The following UACA variants were observed in gnomAD, a reference collection of about 807,000 sequenced individuals.
UACA encodes the protein nuclear membrane binding protein.
A neutral mutation model predicts 160.5 loss-of-function variants in UACA; 112 were observed. That is an observed-to-expected ratio of 0.70 (90% confidence interval 0.60 to 0.82). The LOEUF (loss-of-function observed/expected upper bound fraction) is 0.82. Ranked by LOEUF, UACA falls within the 40% of genes least tolerant of loss-of-function variation. UACA has a pLI of 0.00. For synonymous variants in UACA, 557 were observed against 568.4 expected (o/e 0.98, Z 0.29); for missense variants, 1,574 against 1,614.6 (o/e 0.97, Z 0.43).
chr15:70,688,582 T>C (rs1897813844), intron 5 of UACA, among the ~76,000 whole-genome samples: 1 of 152,140 alleles, frequency 6.6e-6, no homozygotes, highest in African/African-American at 2.4e-5. Flanking sequence ...TTATATAAAA[T>C]GTATCATCAG....
chr15:70,703,954 C>T (rs1199672196), intron 1 of UACA, among the ~76,000 whole-genome samples: 1 of 152,122 alleles, frequency 6.6e-6, no homozygotes, highest in African/African-American at 2.4e-5. Context: ...TAAACGGCCC[C>T]GTGTCCCACT....
Position 70,691,300 on chromosome 15 carries a change from T to C in UACA, c.365A>G (p.Gln122Arg), listed in dbSNP as rs1170715310. The change falls in exon 4 of 19, where the codon CAG becomes CGG. Residue 122 changes from glutamine to arginine, a missense_variant and splice_region_variant. Transcript: ENST00000322954. ...GHALCLQKLLQYNCPTEHADL... is the reference protein window; with the variant it reads ...GHALCLQKLLRYNCPTEHADL... ...TAAAGTATTAACCACTTCCACTACC[T>C]GTAGAAGTTTTTGTAGGCACAATGC... 2.5e-6 allele frequency: 4 copies of C among 1,596,082 alleles called. No individual in the cohort carries two copies. Among genetic ancestry groups the C allele is most frequent in the Non-Finnish European group, 3.4e-6 (4 of 1,167,748 alleles).
the UACA span, among the ~76,000 whole-genome samples, chr15:70,777,783 CT>C: frequency 1.3e-5 from 2 of 152,232 alleles, no homozygotes; most frequent in African/African-American, 2.4e-5. Context: ...GAACTGGAGA[CT>C]ACATTAATAA....
At chr15:70,759,522 G>C (rs149764150) in intron 1 of UACA, among the ~76,000 whole-genome samples, 7,299 of 152,272 alleles carry the variant, frequency 0.048, 619 homozygotes, top group African/African-American at 0.17. Flanking sequence ...GGGCATGGTG[G>C]CAAATGCCTG....
chr15:70,754,030 T>A lies in UACA; in HGVS notation c.78+9300A>T, dbSNP rs1387269332. 18 of 438,964 alleles carry A rather than the reference T, an allele frequency of 4.1e-5. No homozygotes were observed. In the Admixed American group the frequency reaches 4.5e-4, roughly 11 times the overall value. The allele number at this position is 438,964 out of a possible 1,614,324, so 27.2% of individuals were successfully genotyped here. ...CATGTTGCCCAGGCTGGTTTCGAAC[T>A]CCTGACCTCAAGTGATCCGCCCACC... On this transcript the variant is annotated intron_variant, in intron 1 of 18. Transcript: ENST00000322954.
chr15:70,685,371 T>C lies in UACA; in HGVS notation c.603-925A>G, dbSNP rs576499732. ...ATGACATATCCTATATCTAACTCTG[T>C]CTTCAATTGTGAATATTGGATCTCT... On this transcript the variant is annotated intron_variant, in intron 7 of 18. Coordinates refer to ENST00000322954, the MANE Select transcript of UACA (RefSeq NM_018003.4). Among the ~76,000 whole-genome samples, 7 of 152,322 alleles carry C rather than the reference T, an allele frequency of 4.6e-5. No homozygotes were observed. The South Asian group carries it at 1.2e-3, about 27-fold the overall frequency.
At chr15:70,771,478 A>C in the UACA span, among the ~76,000 whole-genome samples, 3 of 152,216 alleles carry the variant, frequency 2.0e-5, no homozygotes, top group Non-Finnish European at 4.4e-5. Context: ...TAATCCCCTC[A>C]ACTATTAGAA....
Position 70,667,810 on chromosome 15 carries a change from T to C in UACA, c.2874A>G (p.Glu958=), listed in dbSNP as rs762259073. 6.2e-7 allele frequency: 1 copy of C among 1,614,034 alleles called. No individual in the cohort carries two copies. The highest frequency in any genetic ancestry group is 2.2e-5 in the East Asian group (1 of 44,876). The change falls in exon 16 of 19, where the codon GAA becomes GAG. Residue 958 remains glutamate (E), a synonymous_variant. Transcript: ENST00000322954. ...TTTCGGCATGCAGTGTCACAATCTC[T>C]TCTTGGCCTTTTCTGTAGTTGGCCA... The part of the protein sequence containing the change: ...EILANYRKGQ[E]EIVTLHAEIK...
rs1896851797 is a variant in UACA, at chr15:70,664,925, A to G, written c.3961-111T>C. 5.0e-5 allele frequency: 48 copies of G among 957,400 alleles called. No individual in the cohort carries two copies. The South Asian group carries it at 9.4e-4, about 19-fold the overall frequency. The allele number at this position is 957,400 out of a possible 1,614,324, so 59.3% of individuals were successfully genotyped here. ...GACAGAAGCTTTATCTTTATACACC[A>G]GAAAATTGAGGTATGAATATTGCCA... On this transcript the variant is annotated intron_variant, in intron 16 of 18. Coordinates refer to ENST00000322954, the MANE Select transcript of UACA (RefSeq NM_018003.4).
At chr15:70,660,334 T>TCAA in intron 17 of UACA, 118 bp from the exon 18 acceptor site, 1 of 799,524 alleles carries the variant, frequency 1.3e-6, no homozygotes, top group South Asian at 1.7e-5. Context: ...TCCTGCTACT[T>TCAA]CTAACAACAA....
rs550058162 is a variant in UACA at position 70,718,505 on chromosome 15, G to A, written c.79-18845C>T. Among the ~76,000 whole-genome samples, 78 of 152,190 alleles carry A rather than the reference G, an allele frequency of 5.1e-4. 1 individual carries two copies. The South Asian group carries it at 0.016, about 31-fold the overall frequency. ...TAAGCAGCAATCTGAGTTACAGCCA[G>A]CCTTCTTGCTGTAGTACTTTGTGAA... On this transcript the variant is annotated intron_variant, in intron 1 of 18. Coordinates refer to ENST00000322954, the MANE Select transcript of UACA (RefSeq NM_018003.4).
At chr15:70,693,189 A>T (rs572549064) in intron 3 of UACA, among the ~76,000 whole-genome samples, 3 of 152,242 alleles carry the variant, frequency 2.0e-5, no homozygotes, top group Non-Finnish European at 4.4e-5. Flanking sequence ...GGTGTTCAAC[A>T]AAATGCTACA....
intron 1 of UACA, among the ~76,000 whole-genome samples, chr15:70,742,169 T>C (rs1366378587): frequency 6.6e-6 from 1 of 152,258 alleles, no homozygotes; most frequent in Non-Finnish European, 1.5e-5. Flanking sequence ...GGTTCTTTCA[T>C]TAAGGCTAAA....
At chr15:70,768,522 G>A (rs2031069476), upstream of UACA, among the ~76,000 whole-genome samples, 1 of 152,164 alleles carries the variant, frequency 6.6e-6, no homozygotes, top group Admixed American at 6.5e-5. Flanking sequence ...CAATCCAGAA[G>A]TACCCTTAGC....
intron 1 of UACA, among the ~76,000 whole-genome samples, chr15:70,703,450 C>G (rs1235844863): frequency 1.3e-5 from 2 of 152,108 alleles, no homozygotes; most frequent in Non-Finnish European, 2.9e-5. Context: ...GGGTCATATA[C>G]CATATCTCAT....
chr15:70,763,903 G>GTA (rs1315170221), upstream of UACA, among the ~76,000 whole-genome samples: 1 of 152,190 alleles, frequency 6.6e-6, no homozygotes, highest in Non-Finnish European at 1.5e-5. Flanking sequence ...TCTTTACCAA[G>GTA]TAAAGTTCCT....
chr15:70,715,138 A>G (rs2046699510), intron 1 of UACA, among the ~76,000 whole-genome samples: 2 of 152,190 alleles, frequency 1.3e-5, no homozygotes, highest in South Asian at 4.1e-4. Flanking sequence ...AGAGTTCTTA[A>G]AAAGCCTAAA....
chr15:70,718,595 G>A (rs1336573695), intron 1 of UACA, among the ~76,000 whole-genome samples: 1 of 152,084 alleles, frequency 6.6e-6, no homozygotes, highest in Admixed American at 6.6e-5. Flanking sequence ...GAAAAAGTCT[G>A]GAGCAGAGCC....
chr15:70,756,173 ATT>A (rs921727928), intron 1 of UACA, among the ~76,000 whole-genome samples: 1 of 135,830 alleles, frequency 7.4e-6, no homozygotes. Flanking sequence ...CCCAGCCGCA[ATT>A]TTTTTTTTTT....
Sources: gnomAD v4.1 joint callset for allele counts (sites outside exome capture counted in the v4.1 genomes callset) on GRCh38, gnomAD v4.1.1 for gene constraint, MANE v1.5 for transcripts, NCBI Gene and HGNC (gene_info 2026-07-23, HGNC 2026-07-21) for gene names.